Variants in GOLM2 observed in about 807,000 individuals in gnomAD.
The protein encoded by GOLM2 is golgi membrane protein 2.
A neutral mutation model predicts 55.9 loss-of-function variants in GOLM2; 26 were observed. The ratio of observed to expected loss-of-function variants is 0.47; its 90% CI spans 0.34 to 0.65. The LOEUF (loss-of-function observed/expected upper bound fraction) is 0.65, where lower values mean the gene tolerates loss of function less well. GOLM2 is among the 30% of genes least tolerant of loss of function. The probability of loss-of-function intolerance (pLI) is 0.01; values close to 1 mark genes in which losing one functional copy is unlikely to be tolerated. For synonymous variants in GOLM2, 165 were observed against 194.6 expected, an observed-to-expected ratio of 0.85 and a Z score of 1.27; for missense variants, 486 against 531.8, an observed-to-expected ratio of 0.91 and a Z score of 0.85.
intron 8 of GOLM2, among the ~76,000 whole-genome samples, chr15:44,392,512 A>C (rs2079497725): frequency 6.6e-6 from 1 of 151,920 alleles, no homozygotes; most frequent in Non-Finnish European, 1.5e-5. Flanking sequence ...AGTACCAGCT[A>C]CTTAGGAGGC....
intron 2 of GOLM2, among the ~76,000 whole-genome samples, chr15:44,323,248 A>G (rs937294827): frequency 9.9e-5 from 15 of 152,126 alleles, no homozygotes; most frequent in Non-Finnish European, 1.8e-4. Flanking sequence ...ACCTTGAGCT[A>G]CAGACAGGGT....
chr15:44,288,919 TC>T lies in GOLM2; in HGVS notation c.-108del. 4.0e-6 allele frequency: 4 copies of T among 1,011,474 alleles called. No homozygotes were observed. The highest frequency in any genetic ancestry group is 5.7e-6 in the Non-Finnish European group (4 of 703,968). 62.7% of individuals were successfully genotyped at this position (1,011,474 alleles called of 1,614,324 possible). A position where few individuals can be genotyped will look rare whatever the true frequency, so the allele number is the denominator to read the frequency against. On this transcript the variant is annotated 5_prime_UTR_variant, in exon 1 of 10. Coordinates refer to ENST00000299957, the MANE Select transcript of GOLM2 (RefSeq NM_138423.4). Reference sequence around the variant, plus strand: ...GCAGCCGACCGGTAAGCCCGCCTCCTCCCTCGGCCGGCCCTGGGGCCGTGTC... The same window carrying T: ...GCAGCCGACCGGTAAGCCCGCCTCCTCCTCGGCCGGCCCTGGGGCCGTGTC...
At chr15:44,364,544 A>C (rs556415791) in intron 6 of GOLM2, among the ~76,000 whole-genome samples, 1 of 152,130 alleles carries the variant, frequency 6.6e-6, no homozygotes, top group South Asian at 2.1e-4. Flanking sequence ...TCAAAAAAAA[A>C]ACTGGACAAG....
intron 9 of GOLM2, among the ~76,000 whole-genome samples, chr15:44,412,913 G>T (rs1341909129): frequency 6.6e-6 from 1 of 151,550 alleles, no homozygotes; most frequent in Admixed American, 6.6e-5. Flanking sequence ...TGAGGTAGGA[G>T]AATCGCTTGA....
chr15:44,355,609 A>G (rs1177092758), intron 6 of GOLM2: 1 of 193,482 alleles, frequency 5.2e-6, no homozygotes, highest in Non-Finnish European at 1.1e-5. Flanking sequence ...CCATTTTGTG[A>G]AGTTAATTTC....
At chr15:44,322,339 C>G (rs371045177) in intron 1 of GOLM2, among the ~76,000 whole-genome samples, 1 of 152,180 alleles carries the variant, frequency 6.6e-6, no homozygotes, top group Admixed American at 6.5e-5. Context: ...TGCACCGCAG[C>G]CTGGGCGACA....
intron 9 of GOLM2, among the ~76,000 whole-genome samples, chr15:44,412,473 A>C (rs1411859502): frequency 6.6e-6 from 1 of 152,110 alleles, no homozygotes; most frequent in Non-Finnish European, 1.5e-5. Flanking sequence ...GTTATACCCC[A>C]TTTAGGAAGC....
chr15:44,393,208 T>C (rs1240728466), intron 8 of GOLM2, among the ~76,000 whole-genome samples: 1 of 152,228 alleles, frequency 6.6e-6, no homozygotes, highest in East Asian at 1.9e-4. Flanking sequence ...ATTATATTTC[T>C]GTATATAGCA....
chr15:44,399,876 T>C (rs528099685), intron 8 of GOLM2, among the ~76,000 whole-genome samples: 3 of 151,658 alleles, frequency 2.0e-5, no homozygotes, highest in African/African-American at 7.3e-5. Flanking sequence ...GCGCCTGTAA[T>C]CCCAGCTACT....
chr15:44,301,480 T>A (rs2078796812), intron 1 of GOLM2, among the ~76,000 whole-genome samples: 1 of 152,232 alleles, frequency 6.6e-6, no homozygotes, highest in Non-Finnish European at 1.5e-5. Context: ...CTATGCTGCA[T>A]GCATATCACA....
intron 6 of GOLM2, among the ~76,000 whole-genome samples, chr15:44,354,328 T>A (rs1422820486): frequency 2.0e-5 from 3 of 149,446 alleles, no homozygotes; most frequent in African/African-American, 2.5e-5. Flanking sequence ...AGGGATAGCA[T>A]TAGGAGATAT....
Position 44,322,970 on chromosome 15 carries a change from A to G in GOLM2, c.333A>G (p.Lys111=). 6.4e-7 allele frequency: 1 copy of G among 1,570,802 alleles called. No homozygotes were observed. Among genetic ancestry groups the G allele is most frequent in the South Asian group, 1.2e-5 (1 of 81,362 alleles). The stretch of plus-strand genomic sequence containing the variant: ...AGAACTTAATTTTTTTTCAGGTTAA[A>G]CTACAGAACAACATATCGTATCAGA... The part of the protein sequence containing the change: ...LGKRCEDDKV[K]LQNNISYQMA... Residue 111 remains lysine, a synonymous_variant, in exon 2 of 10, where the codon AAA becomes AAG. Coordinates refer to ENST00000299957, the MANE Select transcript of GOLM2 (RefSeq NM_138423.4).
chr15:44,411,013 CTTTTTTTTTTTTT>C (rs201998296), intron 9 of GOLM2, among the ~76,000 whole-genome samples: 2,329 of 81,350 alleles, frequency 0.029, 111 homozygotes, highest in East Asian at 0.17. Flanking sequence ...GTTTGTTTGA[CTTTTTTTTTTTTT>C]TTTTTTTTTT....
chr15:44,332,867 G>GC (rs2079031516), intron 4 of GOLM2, among the ~76,000 whole-genome samples: 1 of 152,018 alleles, frequency 6.6e-6, no homozygotes, highest in Non-Finnish European at 1.5e-5. Context: ...AAGTTAATAT[G>GC]TATTATGAAG....
intron 8 of GOLM2, among the ~76,000 whole-genome samples, chr15:44,398,657 CTTTTTT>C (rs994381104): frequency 1.4e-3 from 152 of 108,072 alleles, no homozygotes; most frequent in African/African-American, 5.4e-3. Flanking sequence ...ATATAGGAGC[CTTTTTT>C]TTTTTTTTTT....
At chr15:44,368,285 G>A (rs1443333495) in intron 6 of GOLM2, among the ~76,000 whole-genome samples, 1 of 148,920 alleles carries the variant, frequency 6.7e-6, no homozygotes, top group African/African-American at 2.5e-5. Context: ...TTACAGGCAT[G>A]CACCACCACG....
intron 6 of GOLM2, among the ~76,000 whole-genome samples, chr15:44,373,431 T>C (rs1409799149): frequency 1.3e-5 from 2 of 149,856 alleles, no homozygotes; most frequent in Admixed American, 1.3e-4. Context: ...CACTCCAGCC[T>C]GGGCGACAGA....
intron 6 of GOLM2, among the ~76,000 whole-genome samples, chr15:44,356,043 A>G (rs2079196122): frequency 6.6e-6 from 1 of 152,218 alleles, no homozygotes; most frequent in Non-Finnish European, 1.5e-5. Flanking sequence ...TGAAAATGAA[A>G]ACACTACTTA....
Position 44,347,394 on chromosome 15 carries a change from G to T in GOLM2, c.802+9077G>T, listed in dbSNP as rs146158729. ...GCAGTGGCCTTGTGGCATGGAGAGAGAATCTATACACTTCCAGGAGTGAGA... is the reference window on the plus strand; with the variant it reads ...GCAGTGGCCTTGTGGCATGGAGAGATAATCTATACACTTCCAGGAGTGAGA... On this transcript the variant is annotated intron_variant, in intron 6 of 9. Transcript: ENST00000299957. Among the ~76,000 whole-genome samples the T allele has an allele frequency of 1.1e-3, 174 of 152,302 alleles. 1 individual carries two copies. Among genetic ancestry groups the T allele is most frequent in the African/African-American group, 4.0e-3 (166 of 41,566 alleles).
Sources: gnomAD v4.1 joint callset for allele counts (sites outside exome capture counted in the v4.1 genomes callset) on GRCh38, gnomAD v4.1.1 for gene constraint, MANE v1.5 for transcripts, NCBI Gene and HGNC (gene_info 2026-07-23, HGNC 2026-07-21) for gene names.